Variants in PRAG1 observed in about 807,000 individuals in gnomAD.
PRAG1 encodes PEAK1 related, kinase-activating pseudokinase 1, also known as inactive tyrosine-protein kinase PRAG1.
Under a neutral mutation model 95.6 loss-of-function variants are expected in PRAG1, and 110 were observed. The observed-to-expected ratio is 1.15, with a 90% CI of 0.99 to 1.35. PRAG1 has a LOEUF of 1.35. PRAG1 is among the 40% of genes most tolerant of loss of function. The pLI is 0.00. For synonymous variants in PRAG1, 1,052 were observed against 819.4 expected (o/e 1.28, Z -4.85); for missense variants, 2,554 against 1,864.7 (o/e 1.37, Z -6.81).
At position 8,376,505 on chromosome 8, in the gene PRAG1, C is replaced by T. The variant is rs373901871; in HGVS notation, c.1904G>A (p.Arg635His). ...RPRFQAGTWS[R>H]QCRIEEEEEV... The stretch of plus-strand genomic sequence containing the variant: ...CTCTTCTTCCTCTATCCGGCACTGA[C>T]GACTCCAGGTGCCTGCCTGGAACCT... The change falls in exon 3 of 6, where the codon CGT becomes CAT. Residue 635 changes from arginine (R) to histidine (H), a missense_variant. Physicochemically the swap from Arg to His is conservative, Grantham distance 29. Coordinates refer to ENST00000615670, the MANE Select transcript of PRAG1 (RefSeq NM_001080826.3). The T allele has an allele frequency of 7.9e-5, 127 of 1,611,566 alleles. No individual in the cohort carries two copies. Among genetic ancestry groups the T allele is most frequent in the Middle Eastern group, 1.7e-4 (1 of 6,052 alleles).
rs563864520 is a variant in PRAG1 at position 8,337,706 on chromosome 8, C to T, written c.2320+1772G>A. On this transcript the variant is annotated intron_variant, in intron 4 of 5. Coordinates refer to ENST00000615670, the MANE Select transcript of PRAG1 (RefSeq NM_001080826.3). ...ACTAGCTTGTGATAAAGGAATACCA[C>T]GACAATATATTCATTTTAATTCATG... Among the ~76,000 whole-genome samples, 24 of 152,240 alleles carry T rather than the reference C, an allele frequency of 1.6e-4. 1 individual carries two copies. The South Asian group carries it at 4.4e-3, about 28-fold the overall frequency.
chr8:8,339,915 T>C (rs1799112369), intron 3 of PRAG1, among the ~76,000 whole-genome samples: 1 of 152,234 alleles, frequency 6.6e-6, no homozygotes, highest in South Asian at 2.1e-4. Context: ...CTTCATATTC[T>C]GACCCCATCT....
At chr8:8,343,505 A>G (rs1233283989) in intron 3 of PRAG1, among the ~76,000 whole-genome samples, 1 of 152,262 alleles carries the variant, frequency 6.6e-6, no homozygotes, top group East Asian at 1.9e-4. Context: ...GAAAATATGA[A>G]AATACATAGA....
chr8:8,375,733 T>C (rs1410104112), intron 3 of PRAG1, among the ~76,000 whole-genome samples: 1 of 152,112 alleles, frequency 6.6e-6, no homozygotes. Flanking sequence ...TTATGTTACC[T>C]AGGCTGGTCT....
At chr8:8,362,950 TAAGG>T (rs1216482083) in intron 3 of PRAG1, among the ~76,000 whole-genome samples, 1 of 151,888 alleles carries the variant, frequency 6.6e-6, no homozygotes, top group Admixed American at 6.6e-5. Context: ...CATTTCCAAA[TAAGG>T]AAGAGACATA....
At chr8:8,341,927 G>T (rs1175914776) in intron 3 of PRAG1, among the ~76,000 whole-genome samples, 1 of 152,094 alleles carries the variant, frequency 6.6e-6, no homozygotes, top group Non-Finnish European at 1.5e-5. Context: ...GAGGTAGGGA[G>T]TTCGAGACCG....
chr8:8,333,426 A>G (rs1216184634), intron 4 of PRAG1, among the ~76,000 whole-genome samples: 2 of 152,210 alleles, frequency 1.3e-5, no homozygotes, highest in Non-Finnish European at 2.9e-5. Context: ...GCTGCACTGG[A>G]TGGGATCTTA....
chr8:8,374,991 C>A (rs1800331101), intron 3 of PRAG1, among the ~76,000 whole-genome samples: 1 of 151,860 alleles, frequency 6.6e-6, no homozygotes, highest in South Asian at 2.1e-4. Context: ...CAGTAGGTTT[C>A]TCCTTTTCCT....
At chr8:8,347,171 C>A (rs1038482306) in intron 3 of PRAG1, among the ~76,000 whole-genome samples, 1 of 152,180 alleles carries the variant, frequency 6.6e-6, no homozygotes, top group African/African-American at 2.4e-5. Flanking sequence ...TAGACTCAGG[C>A]CCGTAGTGCT....
intron 3 of PRAG1, among the ~76,000 whole-genome samples, chr8:8,366,642 C>T (rs188099871): frequency 6.6e-6 from 1 of 151,834 alleles, no homozygotes; most frequent in East Asian, 1.9e-4. Flanking sequence ...GAATTACTAA[C>T]AAAAATGGGT....
intron 5 of PRAG1, among the ~76,000 whole-genome samples, chr8:8,320,274 G>A (rs1458923530): frequency 6.6e-6 from 1 of 152,146 alleles, no homozygotes; most frequent in African/African-American, 2.4e-5. Flanking sequence ...GAAGGAACCA[G>A]AAGGAACCCT....
Position 8,381,650 on chromosome 8 carries a change from C to A in PRAG1, c.98G>T (p.Cys33Phe), listed in dbSNP as rs1361327188. 2 of 1,613,924 alleles carry A rather than the reference C, an allele frequency of 1.2e-6. No homozygotes were observed. Among genetic ancestry groups the A allele is most frequent in the Admixed American group, 3.3e-5 (2 of 60,014 alleles). ...CTGGTGGTCGCTCCGCAGGCAGAAG[C>A]AGTTCTTGCAGGACCCGGGTTTCCA... ...HIWKPGSCKN[C>F]FCLRSDHQLV... The change falls in exon 2 of 6, where the codon TGC becomes TTC. Residue 33 changes from cysteine to phenylalanine, a missense_variant. By Grantham distance (205) the Cys-to-Phe change is radical. Coordinates refer to ENST00000615670, the MANE Select transcript of PRAG1 (RefSeq NM_001080826.3).
chr8:8,379,315 A>G (rs1800555093), intron 2 of PRAG1, among the ~76,000 whole-genome samples: 1 of 152,182 alleles, frequency 6.6e-6, no homozygotes, highest in Admixed American at 6.5e-5. Flanking sequence ...GGTCATTACC[A>G]TCCCTGAAGT....
At chr8:8,344,440 A>G (rs1316840496) in intron 3 of PRAG1, among the ~76,000 whole-genome samples, 1 of 152,250 alleles carries the variant, frequency 6.6e-6, no homozygotes, top group Non-Finnish European at 1.5e-5. Context: ...TACATGTTTT[A>G]CGGAGCACAT....
chr8:8,372,902 G>A (rs993168819), intron 3 of PRAG1, among the ~76,000 whole-genome samples: 2 of 152,180 alleles, frequency 1.3e-5, no homozygotes, highest in South Asian at 4.1e-4. Flanking sequence ...CAGACGATCT[G>A]TCTCTCTCAC....
chr8:8,347,017 G>A (rs986464421), intron 3 of PRAG1, among the ~76,000 whole-genome samples: 3 of 152,198 alleles, frequency 2.0e-5, no homozygotes, highest in African/African-American at 7.2e-5. Context: ...AAGTTTTAGA[G>A]CATCAAATAA....
chr8:8,355,575 C>A (rs1209687220), intron 3 of PRAG1, among the ~76,000 whole-genome samples: 1 of 151,992 alleles, frequency 6.6e-6, no homozygotes, highest in Non-Finnish European at 1.5e-5. Flanking sequence ...GGCATAAAAC[C>A]AGAAGCATAG....
chr8:8,336,467 C>G (rs913081211), intron 4 of PRAG1, among the ~76,000 whole-genome samples: 2 of 152,120 alleles, frequency 1.3e-5, no homozygotes, highest in Non-Finnish European at 2.9e-5. Flanking sequence ...ACAACTGCTT[C>G]GACAAATTTT....
At position 8,319,062 on chromosome 8, in the gene PRAG1, G is replaced by A. The variant is rs200725218; in HGVS notation, c.3313C>T (p.Arg1105Trp). Reference sequence around the variant, plus strand: ...GCCTGGTGGCTGGCCGCCGAGTCCCGCACGAAGTCGGAGGCGGTCTGATGT... The same window carrying A: ...GCCTGGTGGCTGGCCGCCGAGTCCCACACGAAGTCGGAGGCGGTCTGATGT... The part of the protein sequence containing the change: ...VPHQTASDFV[R>W]DSAASHQAEP... The change falls in exon 6 of 6, where the codon CGG becomes TGG. Residue 1105 changes from arginine (R) to tryptophan (W), a missense_variant. Physicochemically the swap from Arg to Trp is moderately radical, Grantham distance 101. Coordinates refer to ENST00000615670, the MANE Select transcript of PRAG1 (RefSeq NM_001080826.3). 176 of 1,611,938 alleles carry A rather than the reference G, an allele frequency of 1.1e-4. No homozygotes were observed. Among genetic ancestry groups the A allele is most frequent in the Middle Eastern group, 6.6e-4 (4 of 6,058 alleles).
Sources: allele counts gnomAD v4.1 joint callset (sites outside exome capture counted in the v4.1 genomes callset), GRCh38; gene constraint gnomAD v4.1.1; transcripts MANE v1.5; gene names NCBI Gene and HGNC (gene_info 2026-07-23, HGNC 2026-07-21).